The following CCNB3 variants were observed in gnomAD, a reference collection of about 807,000 sequenced individuals.
The protein encoded by CCNB3 is cyclin B3.
A neutral mutation model predicts 68.0 loss-of-function variants in CCNB3; 12 were observed. The observed-to-expected ratio is 0.18, with a 90% CI of 0.11 to 0.29. The LOEUF is 0.29. CCNB3 is among the 10% of genes least tolerant of loss of function. The pLI, the probability that CCNB3 is intolerant of heterozygous loss-of-function variation, is 1.00. For missense variants in CCNB3, 904 were observed against 993.1 expected, an observed-to-expected ratio of 0.91 and a Z score of 1.21; for synonymous variants, 354 against 388.9, an observed-to-expected ratio of 0.91 and a Z score of 1.06.
At chrX:50,287,378 G>A (rs192902578) in intron 3 of CCNB3, among the ~76,000 whole-genome samples, 2 of 111,194 alleles carry the variant, frequency 1.8e-5, no homozygotes, top group East Asian at 5.7e-4. Flanking sequence ...AACAATCAGA[G>A]ATTAATCTGG....
chrX:50,293,184 G>T (rs1936379882), intron 4 of CCNB3, among the ~76,000 whole-genome samples: 1 of 111,526 alleles, frequency 9.0e-6, no homozygotes, highest in Non-Finnish European at 1.9e-5. Context: ...ATTCTCTGAT[G>T]GTTGTTTGTA....
chrX:50,282,399 ACTT>A (rs1055206510), intron 1 of CCNB3, among the ~76,000 whole-genome samples: 3 of 111,751 alleles, frequency 2.7e-5, no homozygotes, highest in African/African-American at 9.8e-5. Context: ...AGTTGCTACT[ACTT>A]CCTGTAGACT....
intron 11 of CCNB3, among the ~76,000 whole-genome samples, chrX:50,348,261 G>C (rs1923501958): frequency 8.9e-6 from 1 of 112,064 alleles, no homozygotes; most frequent in Admixed American, 9.5e-5. Flanking sequence ...CTTCTCTGAA[G>C]AAGGCTCTCA....
intron 1 of CCNB3, among the ~76,000 whole-genome samples, chrX:50,281,537 T>C (rs756183350): frequency 4.5e-5 from 5 of 111,304 alleles, no homozygotes; most frequent in Admixed American, 1.9e-4. Context: ...TGCTGAATTC[T>C]GTTGCTGGGA....
At chrX:50,315,159 T>C (rs1201340727) in intron 8 of CCNB3, among the ~76,000 whole-genome samples, 2 of 111,232 alleles carry the variant, frequency 1.8e-5, no homozygotes, top group African/African-American at 6.5e-5. Flanking sequence ...TAGGGGTGCA[T>C]CTCAGAATCA....
chrX:50,226,223 G>C (rs1453498125), intron 1 of CCNB3, among the ~76,000 whole-genome samples: 944 of 59,712 alleles, frequency 0.016, 66 homozygotes, highest in African/African-American at 0.069. Context: ...TATATATATA[G>C]AATATATATA....
chrX:50,210,603 A>G (rs1035971592), intron 1 of CCNB3, among the ~76,000 whole-genome samples: 1 of 111,229 alleles, frequency 9.0e-6, no homozygotes, highest in Non-Finnish European at 1.9e-5. Flanking sequence ...CCTTTACGAG[A>G]ATATATTCAT....
At chrX:50,300,667 T>G (rs1263256176) in intron 5 of CCNB3, among the ~76,000 whole-genome samples, 1 of 111,583 alleles carries the variant, frequency 9.0e-6, no homozygotes, top group South Asian at 3.8e-4. Context: ...TTTCCTGAAT[T>G]TGAATGTTGG....
At chrX:50,349,149 C>T (rs1190681389) in intron 11 of CCNB3, among the ~76,000 whole-genome samples, 1 of 112,160 alleles carries the variant, frequency 8.9e-6, no homozygotes, top group Non-Finnish European at 1.9e-5. Context: ...GGTCTTGAAA[C>T]GTATGCAGGA....
At position 50,342,353 on chromosome X, in the gene CCNB3, C is replaced by A; in HGVS notation, c.3654+14C>A. 1 of 1,174,411 alleles carries A rather than the reference C, an allele frequency of 8.5e-7. No individual in the cohort carries two copies. The highest frequency in any genetic ancestry group is 1.1e-6 in the Non-Finnish European group (1 of 877,181). On this transcript the variant is annotated intron_variant, in intron 9 of 12. Coordinates refer to ENST00000376042, the MANE Select transcript of CCNB3 (RefSeq NM_033031.3). The stretch of plus-strand genomic sequence containing the variant: ...GCAAAATTTGAGGTGAGTCTGAGTC[C>A]CTATGGCCTGGAGAACTAATCAAGT...
At chrX:50,227,130 A>C (rs1242985121) in intron 1 of CCNB3, among the ~76,000 whole-genome samples, 2 of 82,000 alleles carry the variant, frequency 2.4e-5, no homozygotes, top group African/African-American at 1.0e-4. Context: ...ATATATACAA[A>C]AATATATAGA....
At chrX:50,333,933 C>G (rs782793180) in intron 8 of CCNB3, among the ~76,000 whole-genome samples, 1 of 111,710 alleles carries the variant, frequency 9.0e-6, no homozygotes, top group South Asian at 3.8e-4. Context: ...ATTTTATGTC[C>G]TTTCCCCCAG....
chrX:50,308,895 G>A lies in CCNB3; in HGVS notation c.726G>A (p.Gln242=). The change falls in exon 6 of 13, where the codon CAG becomes CAA. Residue 242 remains glutamine (Q), a synonymous_variant. Coordinates refer to ENST00000376042, the MANE Select transcript of CCNB3 (RefSeq NM_033031.3). ...KKKMCASQRK[Q]SCQEESLAVQ... is the part of the protein sequence containing the mutation. ...AGATGTGTGCAAGTCAGCGGAAGCA[G>A]TCCTGCCAGGAAGAGTCGTTGGCTG... is the stretch of plus-strand genomic sequence containing the variant. The A allele has an allele frequency of 8.3e-7, 1 of 1,211,703 alleles. No homozygotes were observed. The highest frequency in any genetic ancestry group is 1.1e-6 in the Non-Finnish European group (1 of 895,506).
chrX:50,280,353 C>T (rs1292998087), intron 1 of CCNB3, among the ~76,000 whole-genome samples: 1 of 102,535 alleles, frequency 9.8e-6, no homozygotes, highest in Non-Finnish European at 2.0e-5. Flanking sequence ...GTTCCTGGCA[C>T]AAATCAGGTG....
chrX:50,322,696 A>C (rs182309551), intron 8 of CCNB3, among the ~76,000 whole-genome samples: 1 of 112,217 alleles, frequency 8.9e-6, no homozygotes, highest in Non-Finnish European at 1.9e-5. Context: ...TAATATCCAG[A>C]ATCTACAAAT....
At position 50,351,233 on chromosome X, in the gene CCNB3, T is replaced by C; in HGVS notation, c.3961-8T>C. ...AGTAGAAATCACTATTCATGCTGCT[T>C]CTTCCAGGTTCCCTTCCTGGAGCAT... On this transcript the variant is annotated splice_polypyrimidine_tract_variant and splice_region_variant and intron_variant, in intron 11 of 12. Transcript: ENST00000376042. 8.3e-7 allele frequency: 1 copy of C among 1,210,993 alleles called. No individual in the cohort carries two copies. Among genetic ancestry groups the C allele is most frequent in the Non-Finnish European group, 1.1e-6 (1 of 895,037 alleles).
chrX:50,228,421 A>T (rs1935967962), intron 1 of CCNB3, among the ~76,000 whole-genome samples: 1 of 90,958 alleles, frequency 1.1e-5, no homozygotes, highest in Non-Finnish European at 2.1e-5. Flanking sequence ...ATATCTATGT[A>T]GAATATATAT....
chrX:50,347,612 C>G lies in CCNB3; in HGVS notation c.3811-14C>G. 8.3e-7 allele frequency: 1 copy of G among 1,200,367 alleles called. No homozygotes were observed. On this transcript the variant is annotated splice_polypyrimidine_tract_variant and intron_variant, in intron 10 of 12. Coordinates refer to ENST00000376042, the MANE Select transcript of CCNB3 (RefSeq NM_033031.3). ...CTAAATTGATTTCTGAGCCAGTCTT[C>G]TCATTGCCTTTAGTGTATCCACACC...
intron 1 of CCNB3, among the ~76,000 whole-genome samples, chrX:50,226,707 G>T (rs1312431251): frequency 4.7e-5 from 3 of 63,283 alleles, no homozygotes; most frequent in African/African-American, 2.1e-4. Context: ...ATATACATAT[G>T]AATATGTACA....
Sources: gnomAD v4.1 joint callset for allele counts (sites outside exome capture counted in the v4.1 genomes callset) on GRCh38, gnomAD v4.1.1 for gene constraint, MANE v1.5 for transcripts, NCBI Gene and HGNC (gene_info 2026-07-23, HGNC 2026-07-21) for gene names.